Variants in TTLL7 observed in about 807,000 individuals in gnomAD.
TTLL7 encodes the protein tubulin tyrosine ligase like 7, also known as tubulin polyglutamylase TTLL7.
A neutral mutation model predicts 120.2 loss-of-function variants in TTLL7; 53 were observed. That is an observed-to-expected ratio of 0.44 (90% CI 0.35 to 0.55). The LOEUF (loss-of-function observed/expected upper bound fraction) is 0.55, where lower values mean the gene tolerates loss of function less well. TTLL7 is among the 20% of genes least tolerant of loss of function. TTLL7 has a pLI of 0.00. For missense variants in TTLL7, 803 were observed against 1,054.7 expected, an observed-to-expected ratio of 0.76 and a Z score of 3.31; for synonymous variants, 353 against 351.7, an observed-to-expected ratio of 1.00 and a Z score of -0.04.
intron 1 of TTLL7, among the ~76,000 whole-genome samples, chr1:83,976,538 A>T (rs1167308609): frequency 1.3e-5 from 2 of 152,134 alleles, no homozygotes; most frequent in Non-Finnish European, 2.9e-5. Context: ...AATATAAATT[A>T]TTAATAATGA....
At chr1:83,973,173 A>G (rs1209236996) in intron 1 of TTLL7, among the ~76,000 whole-genome samples, 8 of 152,062 alleles carry the variant, frequency 5.3e-5, no homozygotes, top group African/African-American at 1.7e-4. Flanking sequence ...GTTTTCTCCT[A>G]CATTATTTTC....
intron 1 of TTLL7, among the ~76,000 whole-genome samples, chr1:83,963,568 TACTTCA>T (rs1247711578): frequency 6.6e-6 from 1 of 152,076 alleles, no homozygotes; most frequent in African/African-American, 2.4e-5. Context: ...TAAAGAAAAT[TACTTCA>T]AAATTTCCTT....
intron 9 of TTLL7, 139 bp downstream of exon 9, chr1:83,933,469 C>G: frequency 1.2e-6 from 1 of 855,662 alleles, no homozygotes; most frequent in Non-Finnish European, 1.8e-6. Flanking sequence ...AATTTTTATC[C>G]TCTTCTTCCC....
At chr1:83,972,033 A>G (rs1244351385) in intron 1 of TTLL7, among the ~76,000 whole-genome samples, 1 of 151,982 alleles carries the variant, frequency 6.6e-6, no homozygotes, top group African/African-American at 2.4e-5. Flanking sequence ...CCTGCCACAT[A>G]CACACATACC....
At chr1:83,904,713 A>G (rs1657036277) in intron 17 of TTLL7, among the ~76,000 whole-genome samples, 1 of 152,122 alleles carries the variant, frequency 6.6e-6, no homozygotes, top group South Asian at 2.1e-4. Flanking sequence ...TCCAAGAAAT[A>G]GATTTTTCAT....
chr1:83,871,156 C>CATGT (rs1254007973), intron 20 of TTLL7, among the ~76,000 whole-genome samples: 3 of 151,900 alleles, frequency 2.0e-5, no homozygotes, highest in African/African-American at 7.2e-5. Flanking sequence ...GCTGGGATTA[C>CATGT]AGGCATGTGC....
In TTLL7 at chr1:83,882,637, C is replaced by G. The variant is rs560718299; in HGVS notation, c.2543+326G>C. 7 of 199,386 alleles carry G rather than the reference C, an allele frequency of 3.5e-5. No homozygotes were observed. In the East Asian group the frequency reaches 1.1e-3, roughly 31 times the overall value. The allele number at this position is 199,386 out of a possible 1,614,324, so 12.4% of individuals were successfully genotyped here. On this transcript the variant is annotated intron_variant, in intron 20 of 20. Coordinates refer to ENST00000260505, the MANE Select transcript of TTLL7 (RefSeq NM_024686.6). ...GGCTCAAGGGTAAATGTTGAAATAT[C>G]TCTATTGGAGAACAGAAGTTAAATA...
chr1:83,939,159 T>A (rs546077617), intron 7 of TTLL7, among the ~76,000 whole-genome samples: 88 of 152,228 alleles, frequency 5.8e-4, no homozygotes, highest in African/African-American at 2.1e-3. Context: ...TCTATCCTTA[T>A]GAAACAGGAA....
chr1:83,878,733 C>A (rs4387198), intron 20 of TTLL7, among the ~76,000 whole-genome samples: 6,340 of 151,850 alleles, frequency 0.042, 155 homozygotes, highest in Middle Eastern at 0.096. Context: ...GCTATGGAAC[C>A]CCTTGTGAAA....
chr1:83,942,260 A>C (rs1180743784), intron 7 of TTLL7, among the ~76,000 whole-genome samples: 1 of 152,210 alleles, frequency 6.6e-6, no homozygotes, highest in Non-Finnish European at 1.5e-5. Context: ...ATTAGCCTTC[A>C]ATTAGCAGAT....
chr1:83,937,560 A>G (rs1007855614), intron 8 of TTLL7, among the ~76,000 whole-genome samples: 1 of 152,134 alleles, frequency 6.6e-6, no homozygotes, highest in African/African-American at 2.4e-5. Context: ...TATACCATAT[A>G]CAGGCTATAT....
chr1:83,910,058 A>G (rs1038328422), intron 15 of TTLL7, among the ~76,000 whole-genome samples: 14 of 152,170 alleles, frequency 9.2e-5, no homozygotes, highest in African/African-American at 3.4e-4. Flanking sequence ...ATGGAACACA[A>G]TACATTAATT....
chr1:83,950,364 A>G (rs1293389979), intron 3 of TTLL7, among the ~76,000 whole-genome samples: 1 of 152,204 alleles, frequency 6.6e-6, no homozygotes, highest in East Asian at 1.9e-4. Context: ...ACAAAAGACC[A>G]AAAGTAAAAA....
At chr1:83,894,831 C>A (rs78232356) in intron 18 of TTLL7, among the ~76,000 whole-genome samples, 11 of 151,996 alleles carry the variant, frequency 7.2e-5, no homozygotes, top group Non-Finnish European at 1.6e-4. Context: ...ACTGGGAACA[C>A]GCATTCCTCT....
Position 83,907,482 on chromosome 1 carries a change from C to T in TTLL7, c.1966G>A (p.Asp656Asn). 2.5e-6 allele frequency: 4 copies of T among 1,612,908 alleles called. No homozygotes were observed. Among genetic ancestry groups the T allele is most frequent in the Non-Finnish European group, 3.4e-6 (4 of 1,179,296 alleles). Residue 656 changes from aspartate (D) to asparagine (N), a missense_variant, in exon 16 of 21, where the codon GAT becomes AAT. Asp to Asn is a conservative substitution (Grantham distance 23). Around this residue, in one of 3 missense-constraint regions of TTLL7, gnomAD observed 388 missense variants for 450.4 expected, o/e 0.86. Transcript: ENST00000260505. ...SYMRHLPHSN[D>N]ACSTNSQVSE... ...ACTTGAGAGTTGGTAGAGCAGGCAT[C>T]ATTACTGTGAGGCAGATGCCTCATG... is the stretch of plus-strand genomic sequence containing the variant.
chr1:83,889,044 A>C (rs994874718), intron 19 of TTLL7, among the ~76,000 whole-genome samples: 1 of 152,106 alleles, frequency 6.6e-6, no homozygotes, highest in Non-Finnish European at 1.5e-5. Flanking sequence ...CTGCTAAAAA[A>C]GACATACCCA....
intron 1 of TTLL7, among the ~76,000 whole-genome samples, chr1:83,986,086 A>G (rs1445957870): frequency 6.6e-6 from 1 of 152,236 alleles, no homozygotes; most frequent in Non-Finnish European, 1.5e-5. Context: ...TCTGACAACC[A>G]AAACCAAAGA....
At chr1:83,961,866 C>T (rs1650047075) in intron 1 of TTLL7, among the ~76,000 whole-genome samples, 1 of 152,126 alleles carries the variant, frequency 6.6e-6, no homozygotes, top group Admixed American at 6.5e-5. Flanking sequence ...ATCCATTTAC[C>T]TCTCCCATTT....
At position 83,952,168 on chromosome 1, in the gene TTLL7, G is replaced by A; in HGVS notation, c.25+19C>T. On this transcript the variant is annotated intron_variant, in intron 2 of 20. Coordinates refer to ENST00000260505, the MANE Select transcript of TTLL7 (RefSeq NM_024686.6). ...TAACACCTCCATATTTTGTAACATA[G>A]TTAAGTCAATTTCCCTACCTCCTTC... The A allele has an allele frequency of 6.2e-7, 1 of 1,611,818 alleles. No individual in the cohort carries two copies. The highest frequency in any genetic ancestry group is 8.5e-7 in the Non-Finnish European group (1 of 1,178,222).
Sources: allele counts gnomAD v4.1 joint callset (sites outside exome capture counted in the v4.1 genomes callset), GRCh38; gene constraint gnomAD v4.1.1; regional missense constraint gnomAD v4.1.1; transcripts MANE v1.5; gene names NCBI Gene and HGNC (gene_info 2026-07-23, HGNC 2026-07-21).